Variants in TYW3 observed in about 807,000 individuals in gnomAD.
The protein encoded by TYW3 is tRNA-yW synthesizing protein 3 homolog, also known as tRNA wybutosine-synthesizing protein 3 homolog.
In TYW3, 26 loss-of-function variants were observed where a neutral mutation model predicts 23.1. The observed-to-expected ratio is 1.13, with a 90% CI of 0.83 to 1.56. The LOEUF (loss-of-function observed/expected upper bound fraction) is 1.56, where lower values mean the gene tolerates loss of function less well. Ranked by LOEUF, TYW3 falls within the 40% of genes most tolerant of loss-of-function variation. TYW3 has a pLI of 0.00. For synonymous variants in TYW3, 102 were observed against 105.7 expected (o/e 0.97, Z 0.21); for missense variants, 316 against 311.9 (o/e 1.01, Z -0.10).
At chr1:74,734,364 T>A (rs1388287805) in intron 1 of TYW3, among the ~76,000 whole-genome samples, 1 of 152,140 alleles carries the variant, frequency 6.6e-6, no homozygotes, top group East Asian at 1.9e-4. Context: ...ATCACAGTGC[T>A]TGTGTTCAAG....
intron 5 of TYW3, among the ~76,000 whole-genome samples, chr1:74,753,062 T>TATATATAAA (rs1315479514): frequency 2.0e-5 from 3 of 152,246 alleles, no homozygotes; most frequent in Non-Finnish European, 4.4e-5. Flanking sequence ...GAATAAAGTT[T>TATATATAAA]ATATATAAAG....
At chr1:74,752,529 T>C in intron 5 of TYW3, 104 bp downstream of exon 5, 7 of 923,326 alleles carry the variant, frequency 7.6e-6, no homozygotes, top group Non-Finnish European at 7.9e-6. Flanking sequence ...GCTTATCTAT[T>C]TGTAGATAAT....
At chr1:74,755,194 TA>T (rs1237419382) in intron 5 of TYW3, among the ~76,000 whole-genome samples, 1 of 152,242 alleles carries the variant, frequency 6.6e-6, no homozygotes, top group African/African-American at 2.4e-5. Context: ...TATTTTCTGA[TA>T]AAATGTACGC....
chr1:74,748,710 A>G, intron 3 of TYW3, 41 bp from the exon 4 acceptor site: 1 of 1,566,282 alleles, frequency 6.4e-7, no homozygotes, highest in Non-Finnish European at 8.8e-7. Context: ...TGATCTGGTT[A>G]CCCACAGTAT....
chr1:74,756,011 TG>T (rs1285111901), intron 5 of TYW3, among the ~76,000 whole-genome samples: 13 of 152,324 alleles, frequency 8.5e-5, no homozygotes, highest in African/African-American at 3.1e-4. Context: ...GGAGTCGCCC[TG>T]CACAAGTTCT....
chr1:74,752,090 A>C (rs537406236), intron 4 of TYW3, among the ~76,000 whole-genome samples: 1 of 152,396 alleles, frequency 6.6e-6, no homozygotes, highest in African/African-American at 2.4e-5. Context: ...CTTTCTTTAG[A>C]AATGACTGTA....
chr1:74,746,381 G>GATGTGGTA (rs1483065631), intron 3 of TYW3, among the ~76,000 whole-genome samples: 3 of 152,128 alleles, frequency 2.0e-5, no homozygotes, highest in Admixed American at 1.3e-4. Flanking sequence ...CCTTATTTTA[G>GATGTGGTA]TCTCATTATA....
intron 2 of TYW3, 80 bp from the exon 3 acceptor site, chr1:74,738,610 A>T (rs1648234704): frequency 3.4e-6 from 3 of 877,864 alleles, no homozygotes; most frequent in Non-Finnish European, 4.9e-6. Context: ...TCTAAGAGAA[A>T]TTGAAGTTAT....
chr1:74,761,275 C>A (rs1649129991), intron 5 of TYW3, among the ~76,000 whole-genome samples: 1 of 152,054 alleles, frequency 6.6e-6, no homozygotes, highest in Admixed American at 6.6e-5. Context: ...AGGAAAGGAT[C>A]TTTGTTCCAT....
chr1:74,745,082 A>G (rs1271331723), intron 3 of TYW3, among the ~76,000 whole-genome samples: 4 of 151,846 alleles, frequency 2.6e-5, no homozygotes, highest in Non-Finnish European at 4.4e-5. Flanking sequence ...GCAGTGTGTT[A>G]CAGCTCTTAA....
Position 74,748,839 on chromosome 1 carries a change from A to G in TYW3, c.426+17A>G, listed in dbSNP as rs754429431. The G allele has an allele frequency of 1.2e-6, 2 of 1,612,252 alleles. No homozygotes were observed. Among genetic ancestry groups the G allele is most frequent in the South Asian group, 2.2e-5 (2 of 91,000 alleles). ...ACTATGTTGGTAAGATATTTTGTCA[A>G]AGAGTAATTTTTTTAGTGTAAAGTG... On this transcript the variant is annotated intron_variant, in intron 4 of 5. Transcript: ENST00000370867.
Position 74,764,150 on chromosome 1 carries a change from A to G in TYW3, c.*37A>G. 2 of 1,560,726 alleles carry G rather than the reference A, an allele frequency of 1.3e-6. No individual in the cohort carries two copies. Among genetic ancestry groups the G allele is most frequent in the South Asian group, 1.2e-5 (1 of 84,662 alleles). ...GATGTGTCTTGGCCGTAATGTTTCT[A>G]GTAGGTTTTATAAAGCTGCTCTTCA... On this transcript the variant is annotated 3_prime_UTR_variant, in exon 6 of 6. Coordinates refer to ENST00000370867, the MANE Select transcript of TYW3 (RefSeq NM_138467.3).
intron 1 of TYW3, 131 bp downstream of exon 1, chr1:74,733,549 A>G: frequency 6.9e-7 from 1 of 1,440,500 alleles, no homozygotes; most frequent in South Asian, 1.5e-5. Flanking sequence ...CTGTTTCTTT[A>G]TATGTGAAAT....
At position 74,759,646 on chromosome 1, in the gene TYW3, TTTG is replaced by T. The variant is rs774987584; in HGVS notation, c.561-4236_561-4234del. 1.8e-4 allele frequency among the ~76,000 whole-genome samples: 28 copies of T among 152,162 alleles called. 1 individual carries two copies. The highest frequency in any genetic ancestry group is 3.5e-4 in the Non-Finnish European group (24 of 67,988). On this transcript the variant is annotated intron_variant, in intron 5 of 5. Transcript: ENST00000370867. ...TATGTAGTTGAAAATCCACATGGCT[TTTG>T]TTGTTGTTGTTTTTGAGACAGGATC... is the stretch of plus-strand genomic sequence containing the variant.
chr1:74,740,262 G>T (rs1648305953), intron 3 of TYW3, among the ~76,000 whole-genome samples: 1 of 152,174 alleles, frequency 6.6e-6, no homozygotes, highest in Non-Finnish European at 1.5e-5. Context: ...GCTCTTAAAG[G>T]TGGCATGTCC....
At chr1:74,736,735 A>G (rs1023922248) in intron 2 of TYW3, 113 bp downstream of exon 2, 14 of 805,114 alleles carry the variant, frequency 1.7e-5, no homozygotes, top group Non-Finnish European at 2.5e-5. Flanking sequence ...TAATGGCTGA[A>G]GATTATAAAA....
intron 2 of TYW3, among the ~76,000 whole-genome samples, chr1:74,738,028 A>G (rs886778187): frequency 1.3e-5 from 2 of 151,758 alleles, no homozygotes; most frequent in African/African-American, 2.4e-5. Flanking sequence ...CTCAGGGGCC[A>G]TTGGTTCTCA....
intron 3 of TYW3, among the ~76,000 whole-genome samples, chr1:74,742,581 C>A (rs1435066960): frequency 6.6e-6 from 1 of 152,154 alleles, no homozygotes; most frequent in Non-Finnish European, 1.5e-5. Flanking sequence ...TTAGCCTCAG[C>A]ATCTGCCCAA....
chr1:74,741,256 A>G (rs1570055374), intron 3 of TYW3, among the ~76,000 whole-genome samples: 1 of 152,230 alleles, frequency 6.6e-6, no homozygotes, highest in East Asian at 1.9e-4. Context: ...TTTAAGGAGG[A>G]ATGGGTTTTT....
Sources: allele counts gnomAD v4.1 joint callset (sites outside exome capture counted in the v4.1 genomes callset), GRCh38; gene constraint gnomAD v4.1.1; transcripts MANE v1.5; gene names NCBI Gene and HGNC (gene_info 2026-07-23, HGNC 2026-07-21).